Variants in GRM7 observed in about 807,000 individuals in gnomAD.
GRM7 encodes metabotropic glutamate receptor 7.
A neutral mutation model predicts 84.5 loss-of-function variants in GRM7; 35 were observed. That is an observed-to-expected ratio of 0.41 (90% confidence interval 0.32 to 0.55). GRM7 has a LOEUF of 0.55. GRM7 is among the 20% of genes least tolerant of loss of function. The pLI is 0.19. For synonymous variants in GRM7, 487 were observed against 455.1 expected (o/e 1.07, Z -0.89); for missense variants, 1,003 against 1,194.6 (o/e 0.84, Z 2.36).
At position 7,381,592 on chromosome 3, in the gene GRM7, G is replaced by A. The variant is rs145942769; in HGVS notation, c.1034-33431G>A. Among the ~76,000 whole-genome samples the A allele has an allele frequency of 4.5e-3, 678 of 152,192 alleles. 4 individuals are homozygous for A. Among genetic ancestry groups the A allele is most frequent in the African/African-American group, 0.015 (617 of 41,520 alleles). ...TGAAAAGATGTATATCCAAAGAGCC[G>A]CCTGACCGTATTGAAGTATGGGATT... On this transcript the variant is annotated intron_variant, in intron 4 of 9. Coordinates refer to ENST00000357716, the MANE Select transcript of GRM7 (RefSeq NM_000844.4).
chr3:7,689,416 C>G (rs1341295111), intron 9 of GRM7, among the ~76,000 whole-genome samples: 1 of 152,156 alleles, frequency 6.6e-6, no homozygotes, highest in African/African-American at 2.4e-5. Context: ...CACTTTGAAA[C>G]AGTATAAATA....
intron 2 of GRM7, among the ~76,000 whole-genome samples, chr3:7,228,410 A>G (rs1285968617): frequency 6.6e-6 from 1 of 152,254 alleles, no homozygotes; most frequent in Non-Finnish European, 1.5e-5. Flanking sequence ...AAAATCCGAT[A>G]AAACAGGTGG....
At chr3:7,449,733 G>A (rs1346589506) in intron 5 of GRM7, among the ~76,000 whole-genome samples, 1 of 152,094 alleles carries the variant, frequency 6.6e-6, no homozygotes, top group African/African-American at 2.4e-5. Flanking sequence ...AAACTGTCAT[G>A]TATTACAATA....
At chr3:7,261,333 G>C (rs1016913892) in intron 2 of GRM7, among the ~76,000 whole-genome samples, 7 of 152,142 alleles carry the variant, frequency 4.6e-5, no homozygotes, top group African/African-American at 1.7e-4. Context: ...GATTTTCTTA[G>C]TCTTGGTTTC....
At chr3:7,102,777 A>T (rs993682675) in intron 1 of GRM7, among the ~76,000 whole-genome samples, 5 of 151,610 alleles carry the variant, frequency 3.3e-5, no homozygotes, top group African/African-American at 1.2e-4. Context: ...AATAAAGTCT[A>T]TTTATCTGCT....
intron 7 of GRM7, among the ~76,000 whole-genome samples, chr3:7,525,387 C>G (rs570147961): frequency 6.6e-6 from 1 of 152,084 alleles, no homozygotes; most frequent in East Asian, 1.9e-4. Flanking sequence ...GTATAGGAAA[C>G]TGATTTGTTT....
intron 9 of GRM7, among the ~76,000 whole-genome samples, chr3:7,685,734 CAAAAT>C (rs1002678070): frequency 4.8e-5 from 7 of 145,348 alleles, no homozygotes; most frequent in African/African-American, 1.8e-4. Context: ...CTGTTCTCAA[CAAAAT>C]AAATTTGTTA....
chr3:7,723,887 T>C (rs1033224291), intron 9 of GRM7, among the ~76,000 whole-genome samples: 7 of 152,184 alleles, frequency 4.6e-5, no homozygotes, highest in African/African-American at 1.7e-4. Context: ...GAACTTGATA[T>C]ATATCCCTAA....
At chr3:7,155,783 G>C (rs62234879) in intron 2 of GRM7, among the ~76,000 whole-genome samples, 12,283 of 152,116 alleles carry the variant, frequency 0.081, 673 homozygotes, top group South Asian at 0.17. Flanking sequence ...AGCTGAAGGG[G>C]AGCAGATGAT....
rs182563519 is a variant in GRM7, at chr3:7,342,264, T to C, written c.1033+35612T>C. The stretch of plus-strand genomic sequence containing the variant: ...CTTTTATTCAGTCTGGCTTCAACTG[T>C]TTTTCTTAGCTGTACCCTCATCTCA... On this transcript the variant is annotated intron_variant, in intron 4 of 9. Coordinates refer to ENST00000357716, the MANE Select transcript of GRM7 (RefSeq NM_000844.4). Among the ~76,000 whole-genome samples the C allele has an allele frequency of 4.1e-3, 621 of 152,254 alleles. 8 individuals are homozygous for C. Among genetic ancestry groups the C allele is most frequent in the African/African-American group, 0.014 (578 of 41,554 alleles).
chr3:7,065,297 A>G (rs540235347), intron 1 of GRM7, among the ~76,000 whole-genome samples: 18 of 151,814 alleles, frequency 1.2e-4, no homozygotes, highest in African/African-American at 4.1e-4. Flanking sequence ...TTTCAATGTT[A>G]TCTTCCAGAA....
chr3:7,074,034 G>A (rs1043575768), intron 1 of GRM7, among the ~76,000 whole-genome samples: 1 of 152,106 alleles, frequency 6.6e-6, no homozygotes, highest in African/African-American at 2.4e-5. Flanking sequence ...TTTAAGCAAT[G>A]CACATTATAG....
intron 5 of GRM7, among the ~76,000 whole-genome samples, chr3:7,424,331 G>T (rs1696516909): frequency 6.6e-6 from 1 of 151,706 alleles, no homozygotes; most frequent in East Asian, 1.9e-4. Flanking sequence ...AGAAAAGTCA[G>T]GGCTCCTCCA....
chr3:6,961,948 G>A (rs543386932), intron 1 of GRM7, among the ~76,000 whole-genome samples: 57 of 152,060 alleles, frequency 3.7e-4, no homozygotes, highest in Non-Finnish European at 7.5e-4. Flanking sequence ...ACTTCCTACA[G>A]CCAGGGTTCC....
intron 1 of GRM7, among the ~76,000 whole-genome samples, chr3:6,942,095 A>C (rs886648652): frequency 1.3e-5 from 2 of 152,082 alleles, no homozygotes; most frequent in African/African-American, 4.8e-5. Context: ...TGTATTATCA[A>C]ATGCTTTGGA....
chr3:7,410,004 G>A (rs1695856217), intron 4 of GRM7, among the ~76,000 whole-genome samples: 1 of 152,120 alleles, frequency 6.6e-6, no homozygotes, highest in Admixed American at 6.5e-5. Flanking sequence ...TGCCTCAACA[G>A]CACATGAGAG....
chr3:7,365,629 A>ATG (rs1559269154), intron 4 of GRM7, among the ~76,000 whole-genome samples: 9 of 133,990 alleles, frequency 6.7e-5, no homozygotes, highest in African/African-American at 2.6e-4. Context: ...TTTAATATGC[A>ATG]TGTGTGTGTG....
In GRM7 at chr3:6,863,474, C is replaced by A. The variant is rs1310189964; in HGVS notation, c.519+1567C>A. ...AGGAAAGAGGAGTGCCCATCCAAGG[C>A]TGCAGCTTGCATGGCCCCTCTGATC... On this transcript the variant is annotated intron_variant, in intron 1 of 9. Coordinates refer to ENST00000357716, the MANE Select transcript of GRM7 (RefSeq NM_000844.4). This position sits in a 1 kb window ranked among gnomAD's most constrained non-coding sequence, Gnocchi z 4.8. 1.3e-5 allele frequency among the ~76,000 whole-genome samples: 2 copies of A among 152,172 alleles called. No homozygotes were observed. The highest frequency in any genetic ancestry group is 2.9e-5 in the Non-Finnish European group (2 of 68,026).
At chr3:6,985,351 C>T (rs1190616963) in intron 1 of GRM7, among the ~76,000 whole-genome samples, 1 of 152,018 alleles carries the variant, frequency 6.6e-6, no homozygotes, top group African/African-American at 2.4e-5. Context: ...CATCTTCACC[C>T]ACCCTCCACT....
Sources: gnomAD v4.1 joint callset for allele counts (sites outside exome capture counted in the v4.1 genomes callset) on GRCh38, gnomAD v4.1.1 for gene constraint, Gnocchi (gnomAD v3.1) non-coding constraint, MANE v1.5 for transcripts, NCBI Gene and HGNC (gene_info 2026-07-23, HGNC 2026-07-21) for gene names.